COQ2: variants seen among roughly 807,000 people sequenced by gnomAD.
COQ2 encodes coenzyme Q2, polyprenyltransferase, also known as 4-hydroxybenzoate polyprenyltransferase, mitochondrial.
A neutral mutation model predicts 35.7 loss-of-function variants in COQ2; 25 were observed. The observed-to-expected ratio is 0.70, with a 90% CI of 0.51 to 0.98. The LOEUF (loss-of-function observed/expected upper bound fraction) is 0.98, where lower values mean the gene tolerates loss of function less well. Among genes scored for constraint, COQ2 ranks in the 50% least tolerant of loss-of-function variants. The probability of loss-of-function intolerance (pLI) is 0.00; values close to 1 mark genes in which losing one functional copy is unlikely to be tolerated. For missense variants in COQ2, 488 were observed against 473.5 expected, an observed-to-expected ratio of 1.03 and a Z score of -0.28; for synonymous variants, 206 against 186.2, an observed-to-expected ratio of 1.11 and a Z score of -0.86.
chr4:83,281,299 A>T (rs1226821592), intron 1 of COQ2: 1 of 152,250 alleles, frequency 6.6e-6, no homozygotes, highest in Non-Finnish European at 1.5e-5. Flanking sequence ...TTCCTGGTAC[A>T]ATTAGAACAG....
intron 4 of COQ2, 25 bp from the exon 5 acceptor site, chr4:83,270,018 G>A (rs1160701375): frequency 6.2e-7 from 1 of 1,612,356 alleles, no homozygotes. Flanking sequence ...ACACAAAAAG[G>A]GGGAAAGTCT....
chr4:83,274,077 G>A (rs1187568078), intron 2 of COQ2, among the ~76,000 whole-genome samples: 1 of 151,692 alleles, frequency 6.6e-6, no homozygotes, highest in African/African-American at 2.4e-5. Flanking sequence ...GATTGCTTGA[G>A]CCTAGGAGGT....
chr4:83,273,708 C>A (rs960708788), intron 2 of COQ2, 91 bp from the exon 3 acceptor site: 14 of 1,202,030 alleles, frequency 1.2e-5, no homozygotes, highest in Non-Finnish European at 1.7e-5. Flanking sequence ...ATGGTAGGCA[C>A]AAATATGAAT....
intron 1 of COQ2, chr4:83,283,865 T>G: frequency 1.0e-6 from 1 of 985,402 alleles, no homozygotes. Flanking sequence ...GATAGGAAGG[T>G]CAGGAAAATC....
Position 83,279,097 on chromosome 4 carries a change from A to G in COQ2, c.271T>C (p.Leu91=), listed in dbSNP as rs770656317. The G allele has an allele frequency of 4.5e-6, 7 of 1,572,080 alleles. No homozygotes were observed. The highest frequency in any genetic ancestry group is 6.0e-6 in the Non-Finnish European group (7 of 1,161,804). The change falls in exon 2 of 7, where the codon TTA becomes CTA. Residue 91 remains leucine (L), a synonymous_variant. Coordinates refer to ENST00000647002, the MANE Select transcript of COQ2 (RefSeq NM_001358921.2). ...AAACCAATGCTCCAGGTACATGGTAAATACAGAAGCCAGGTTCCTAAGCAA... is the reference window on the plus strand; with the variant it reads ...AAACCAATGCTCCAGGTACATGGTAGATACAGAAGCCAGGTTCCTAAGCAA... ...DKPIGTWLLY[L]PCTWSIGLAA...
chr4:83,264,492 C>G (rs1734863948), intron 6 of COQ2, 129 bp from the exon 7 acceptor site: 1 of 1,361,494 alleles, frequency 7.3e-7, no homozygotes, highest in East Asian at 2.8e-5. Flanking sequence ...GAAAAATTAG[C>G]TAGGCACGAA....
intron 1 of COQ2, chr4:83,281,525 G>C (rs1735320866): frequency 6.6e-6 from 1 of 152,206 alleles, no homozygotes; most frequent in Admixed American, 6.5e-5. Flanking sequence ...TCTGCCACTT[G>C]TAAGTTGAGT....
At chr4:83,273,178 A>ACATG (rs60488569) in intron 3 of COQ2, among the ~76,000 whole-genome samples, 6 of 151,798 alleles carry the variant, frequency 4.0e-5, no homozygotes, top group African/African-American at 7.3e-5. Context: ...ATAAAATTAT[A>ACATG]TATGTGTGGG....
chr4:83,280,641 C>T (rs1210911899), intron 1 of COQ2, among the ~76,000 whole-genome samples: 1 of 152,194 alleles, frequency 6.6e-6, no homozygotes, highest in East Asian at 1.9e-4. Flanking sequence ...CAGGGTCCTG[C>T]AAAGGCATAA....
At chr4:83,264,598 C>T (rs1030036328) in intron 6 of COQ2, among the ~76,000 whole-genome samples, 2 of 152,082 alleles carry the variant, frequency 1.3e-5, no homozygotes, top group Admixed American at 1.3e-4. Context: ...GATCACCCTA[C>T]TGCACCCTCC....
At chr4:83,283,584 C>T (rs1268699707) in intron 1 of COQ2, 24 of 985,340 alleles carry the variant, frequency 2.4e-5, no homozygotes, top group Non-Finnish European at 2.7e-5. Context: ...TTTCCTGTAG[C>T]ACTTGCTTTT....
chr4:83,278,318 A>G (rs1560495454), intron 2 of COQ2, among the ~76,000 whole-genome samples: 1 of 152,150 alleles, frequency 6.6e-6, no homozygotes, highest in Non-Finnish European at 1.5e-5. Context: ...ATACACATGC[A>G]TTAGAACAGG....
chr4:83,271,823 G>A (rs993200057), intron 4 of COQ2, among the ~76,000 whole-genome samples: 1 of 152,086 alleles, frequency 6.6e-6, no homozygotes, highest in African/African-American at 2.4e-5. Flanking sequence ...AGAGAAGAGG[G>A]GAGAGGAGAG....
In COQ2 at chr4:83,284,547, G is replaced by A. The variant is rs1206612195; in HGVS notation, c.218C>T (p.Pro73Leu). 7.0e-6 allele frequency: 11 copies of A among 1,572,060 alleles called. No individual in the cohort carries two copies. The highest frequency in any genetic ancestry group is 1.2e-5 in the South Asian group (1 of 86,020). The change falls in exon 1 of 7, where the codon CCG becomes CTG. Residue 73 changes from proline (P) to leucine (L), a missense_variant. Physicochemically the swap from Pro to Leu is moderately conservative, Grantham distance 98. Transcript: ENST00000647002. ...VVDSAPRPLQ[P>L]YLRLMRLDKP... ...GTCCAACCGCATGAGGCGCAAGTAC[G>A]GCTGCAGGGGGCGGGGCGCAGAGTC...
chr4:83,278,412 C>A lies in COQ2; in HGVS notation c.420+536G>T, dbSNP rs114759583. On this transcript the variant is annotated intron_variant, in intron 2 of 6. Transcript: ENST00000647002. ...AGGAGATAAGAGGAGGAGATAAGGA[C>A]AACTTGCACTTTTCATTGGTTGCAA... is the stretch of plus-strand genomic sequence containing the variant. Among the ~76,000 whole-genome samples the A allele has an allele frequency of 4.8e-3, 728 of 152,272 alleles. 7 individuals carry two copies. Among genetic ancestry groups the A allele is most frequent in the African/African-American group, 0.016 (684 of 41,554 alleles).
chr4:83,274,924 TC>T (rs1310467212), intron 2 of COQ2, among the ~76,000 whole-genome samples: 1 of 152,214 alleles, frequency 6.6e-6, no homozygotes, highest in Admixed American at 6.5e-5. Flanking sequence ...CCTTCCTCTG[TC>T]CCCTCCATTC....
chr4:83,272,811 T>C (rs2126173360), intron 3 of COQ2, among the ~76,000 whole-genome samples: 1 of 152,314 alleles, frequency 6.6e-6, no homozygotes, highest in East Asian at 1.9e-4. Context: ...GAAAATGTGA[T>C]AAAATAAGAC....
intron 4 of COQ2, among the ~76,000 whole-genome samples, chr4:83,271,522 G>C (rs1164777635): frequency 6.6e-6 from 1 of 152,080 alleles, no homozygotes; most frequent in Non-Finnish European, 1.5e-5. Flanking sequence ...AAGCATTTCA[G>C]AAAGCAATGG....
At chr4:83,283,254 T>C in intron 1 of COQ2, 2 of 985,140 alleles carry the variant, frequency 2.0e-6, no homozygotes, top group African/African-American at 1.7e-5. Flanking sequence ...TAAATGTACC[T>C]AGGCCTTTGA....
Sources: allele counts gnomAD v4.1 joint callset (sites outside exome capture counted in the v4.1 genomes callset), GRCh38; gene constraint gnomAD v4.1.1; transcripts MANE v1.5; gene names NCBI Gene and HGNC (gene_info 2026-07-23, HGNC 2026-07-21).